The following ZNF808 variants were observed in gnomAD, a reference collection of about 807,000 sequenced individuals.
ZNF808 encodes the protein zinc finger protein 808.
ZNF808 carries 5 observed loss-of-function variants against 8.7 expected under a neutral mutation model. The ratio of observed to expected loss-of-function variants is 0.58; its 90% CI spans 0.30 to 1.21. The LOEUF (loss-of-function observed/expected upper bound fraction) is 1.21. Ranked by LOEUF, ZNF808 falls within the 50% of genes most tolerant of loss-of-function variation. The pLI is 0.07. For synonymous variants in ZNF808, 380 were observed against 366.0 expected, an observed-to-expected ratio of 1.04 and a Z score of -0.44; for missense variants, 1,103 against 1,098.4, an observed-to-expected ratio of 1.00 and a Z score of -0.06.
At chr19:52,568,185 A>G (rs1309097311), downstream of ZNF808, among the ~76,000 whole-genome samples, 1 of 152,146 alleles carries the variant, frequency 6.6e-6, no homozygotes, top group African/African-American at 2.4e-5. Flanking sequence ...CAGCCTGGCC[A>G]ACATGGGGAA....
At chr19:52,542,681 A>G (rs1026499258) in intron 2 of ZNF808, among the ~76,000 whole-genome samples, 1 of 152,180 alleles carries the variant, frequency 6.6e-6, no homozygotes, top group African/African-American at 2.4e-5. Context: ...ATCAATCAAT[A>G]TATGTAAGAA....
downstream of ZNF808, among the ~76,000 whole-genome samples, chr19:52,557,320 G>A (rs1177960151): frequency 2.6e-5 from 4 of 151,030 alleles, no homozygotes; most frequent in African/African-American, 9.8e-5. Context: ...AGGCTGGAGT[G>A]CAATGGTGCG....
intron 2 of ZNF808, among the ~76,000 whole-genome samples, chr19:52,540,740 T>A (rs897379079): frequency 7.2e-5 from 11 of 152,212 alleles, no homozygotes; most frequent in African/African-American, 2.4e-4. Context: ...CCATGTGTTC[T>A]TGAGAAAAGC....
At chr19:52,539,573 T>A (rs1421969676) in intron 2 of ZNF808, among the ~76,000 whole-genome samples, 1 of 136,146 alleles carries the variant, frequency 7.3e-6, no homozygotes, top group Non-Finnish European at 1.5e-5. Context: ...TTTTTTTTTT[T>A]GACGGAGTTT....
intron 3 of ZNF808, among the ~76,000 whole-genome samples, chr19:52,562,860 G>A (rs2059862408): frequency 2.0e-5 from 3 of 151,682 alleles, no homozygotes; most frequent in South Asian, 2.1e-4. Flanking sequence ...TGCAACCTAC[G>A]CCTCCTTGGT....
chr19:52,546,460 C>G (rs1281238017), intron 3 of ZNF808, among the ~76,000 whole-genome samples: 1 of 152,108 alleles, frequency 6.6e-6, no homozygotes, highest in Non-Finnish European at 1.5e-5. Context: ...GCTGGGATTA[C>G]AGGCATGAGC....
Position 52,553,420 on chromosome 19 carries a change from C to A in ZNF808, c.504C>A (p.His168Gln), listed in dbSNP as rs202088301. 1.7e-4 allele frequency: 277 copies of A among 1,614,196 alleles called. 2 individuals are homozygous for A. In the Admixed American group the frequency reaches 4.5e-3, roughly 27 times the overall value. Residue 168 changes from histidine to glutamine, a missense_variant, in exon 5 of 5, where the codon CAC becomes CAA. His to Gln is a conservative substitution (Grantham distance 24). Transcript: ENST00000359798. ...SSFYSHLPELHIFQIKGEIAN... is the reference protein window; with the variant it reads ...SSFYSHLPELQIFQIKGEIAN... ...TTTATTCACATCTGCCTGAACTCCA[C>A]ATATTTCAGATCAAAGGTGAAATTG...
chr19:52,533,293 C>G (rs1457217907), intron 2 of ZNF808, among the ~76,000 whole-genome samples: 1 of 151,990 alleles, frequency 6.6e-6, no homozygotes, highest in Non-Finnish European at 1.5e-5. Context: ...ATGGTGCGAT[C>G]TCGGCTCACT....
downstream of ZNF808, among the ~76,000 whole-genome samples, chr19:52,558,800 G>A (rs1162746816): frequency 2.6e-5 from 4 of 152,204 alleles, no homozygotes; most frequent in African/African-American, 9.6e-5. Flanking sequence ...CTTCTGCCTT[G>A]AGATGCTGTG....
At chr19:52,549,021 C>T (rs1247220929) in intron 4 of ZNF808, among the ~76,000 whole-genome samples, 1 of 151,874 alleles carries the variant, frequency 6.6e-6, no homozygotes, top group African/African-American at 2.4e-5. Context: ...CACCCAGGCT[C>T]AAGTGCAGTG....
intron 4 of ZNF808, among the ~76,000 whole-genome samples, chr19:52,551,732 G>T (rs1222049603): frequency 1.3e-5 from 2 of 152,144 alleles, no homozygotes; most frequent in Non-Finnish European, 2.9e-5. Flanking sequence ...ACCAGGTGCA[G>T]TGGCTCACAC....
intron 4 of ZNF808, among the ~76,000 whole-genome samples, chr19:52,548,245 G>A (rs1457981287): frequency 6.6e-6 from 1 of 152,100 alleles, no homozygotes; most frequent in African/African-American, 2.4e-5. Flanking sequence ...ACACCAATAT[G>A]TGTCACTGTT....
At chr19:52,541,132 A>T (rs540959868) in intron 2 of ZNF808, among the ~76,000 whole-genome samples, 55 of 151,970 alleles carry the variant, frequency 3.6e-4, no homozygotes, top group African/African-American at 1.3e-3. Flanking sequence ...GTGTATTTTT[A>T]GTAGAGACGG....
At chr19:52,535,321 A>C (rs1223074277) in intron 2 of ZNF808, among the ~76,000 whole-genome samples, 2 of 128,340 alleles carry the variant, frequency 1.6e-5, no homozygotes, top group Middle Eastern at 3.8e-3. Context: ...ACAGAGCGAG[A>C]CTCCGTCTCA....
At chr19:52,551,356 CAAAA>C (rs58565837) in intron 4 of ZNF808, among the ~76,000 whole-genome samples, 2 of 125,246 alleles carry the variant, frequency 1.6e-5, no homozygotes, top group South Asian at 2.6e-4. Flanking sequence ...CATTTGCCAC[CAAAA>C]AAAAAAAAAA....
chr19:52,551,061 AT>A (rs981178304), intron 4 of ZNF808, among the ~76,000 whole-genome samples: 1 of 152,096 alleles, frequency 6.6e-6, no homozygotes, highest in Admixed American at 6.6e-5. Context: ...AATCTACTAA[AT>A]TAAAAAAAAT....
At chr19:52,542,960 G>T (rs201633187) in intron 2 of ZNF808, among the ~76,000 whole-genome samples, 1 of 66,640 alleles carries the variant, frequency 1.5e-5, no homozygotes, top group East Asian at 8.3e-4. Context: ...CTTTTTTTTG[G>T]GGGGGGGGTG....
At position 52,547,566 on chromosome 19, in the gene ZNF808, T is replaced by C; in HGVS notation, c.118T>C (p.Phe40Leu). 6.2e-7 allele frequency: 1 copy of C among 1,614,048 alleles called. No homozygotes were observed. The highest frequency in any genetic ancestry group is 2.2e-5 in the East Asian group (1 of 44,872). ...AIEFSLAEWK[F>L]LNPAQRALYR... Reference sequence around the variant, plus strand: ...AGAATTCTCATTGGCAGAGTGGAAATTCCTGAACCCTGCACAGAGGGCTTT... The same window carrying C: ...AGAATTCTCATTGGCAGAGTGGAAACTCCTGAACCCTGCACAGAGGGCTTT... The change falls in exon 4 of 5, where the codon TTC becomes CTC. Residue 40 changes from phenylalanine (F) to leucine (L), a missense_variant. Physicochemically the swap from Phe to Leu is conservative, Grantham distance 22. Coordinates refer to ENST00000359798, the MANE Select transcript of ZNF808 (RefSeq NM_001039886.4).
At chr19:52,549,161 G>T (rs961013518) in intron 4 of ZNF808, among the ~76,000 whole-genome samples, 3 of 151,814 alleles carry the variant, frequency 2.0e-5, no homozygotes, top group African/African-American at 7.3e-5. Context: ...ATTTTTTTTA[G>T]TAGAGACAGT....
Sources: allele counts gnomAD v4.1 joint callset (sites outside exome capture counted in the v4.1 genomes callset), GRCh38; gene constraint gnomAD v4.1.1; transcripts MANE v1.5; gene names NCBI Gene and HGNC (gene_info 2026-07-23, HGNC 2026-07-21).